The following DTNB variants were observed in gnomAD, a reference collection of about 807,000 sequenced individuals.
DTNB encodes DTN-B.
A neutral mutation model predicts 90.7 loss-of-function variants in DTNB; 63 were observed. The observed-to-expected ratio is 0.69, with a 90% confidence interval of 0.57 to 0.86. The LOEUF (loss-of-function observed/expected upper bound fraction) is 0.86, where lower values mean the gene tolerates loss of function less well. DTNB is among the 40% of genes least tolerant of loss of function. The pLI, the probability that DTNB is intolerant of heterozygous loss-of-function variation, is 0.00. For synonymous variants in DTNB, 277 were observed against 286.7 expected (o/e 0.97, Z 0.34); for missense variants, 744 against 807.1 (o/e 0.92, Z 0.95).
In DTNB at chr2:25,531,737, G is replaced by C. The variant is rs185291399; in HGVS notation, c.877-140C>G. ...AAGTTTCATTACATCAATATCATTG[G>C]GCCTTTCAGAAAGGAACCTCCAGTT... On this transcript the variant is annotated intron_variant, in intron 8 of 20. Transcript: ENST00000406818. 9.1e-5 allele frequency: 110 copies of C among 1,206,366 alleles called. No individual in the cohort carries two copies. The Admixed American group carries it at 3.2e-3, about 35-fold the overall frequency. 74.7% of individuals were successfully genotyped at this position (1,206,366 alleles called of 1,614,324 possible). A position where few individuals can be genotyped will look rare whatever the true frequency, so the allele number is the denominator to read the frequency against.
intron 9 of DTNB, among the ~76,000 whole-genome samples, chr2:25,483,986 T>C (rs1398360710): frequency 6.6e-6 from 1 of 152,226 alleles, no homozygotes; most frequent in African/African-American, 2.4e-5. Flanking sequence ...CAGTCCCATG[T>C]TGTACAGGTT....
chr2:25,400,427 C>T (rs1013659933), intron 16 of DTNB, among the ~76,000 whole-genome samples: 8 of 152,246 alleles, frequency 5.3e-5, no homozygotes, highest in African/African-American at 1.7e-4. Context: ...CCGCTCAACG[C>T]GAACCAGTCT....
intron 9 of DTNB, among the ~76,000 whole-genome samples, chr2:25,530,157 T>C (rs1026627097): frequency 5.9e-5 from 9 of 152,166 alleles, no homozygotes; most frequent in Non-Finnish European, 1.3e-4. Context: ...TAAAACTGGC[T>C]GGGCGCAGTG....
At chr2:25,485,986 G>A (rs1256722094) in intron 9 of DTNB, among the ~76,000 whole-genome samples, 1 of 151,996 alleles carries the variant, frequency 6.6e-6, no homozygotes, top group African/African-American at 2.4e-5. Flanking sequence ...GCTGGGTGTG[G>A]TGGCGGGTGC....
intron 8 of DTNB, chr2:25,558,168 T>C (rs1004516602): frequency 1.0e-6 from 1 of 964,224 alleles, no homozygotes; most frequent in Non-Finnish European, 1.2e-6. Context: ...TCGTAGTCAC[T>C]AAATGAAGAT....
At chr2:25,419,780 T>C (rs2048925539) in intron 15 of DTNB, among the ~76,000 whole-genome samples, 2 of 152,034 alleles carry the variant, frequency 1.3e-5, no homozygotes, top group Non-Finnish European at 2.9e-5. Context: ...GAAAGAACCT[T>C]AGAAACCACC....
chr2:25,650,429 T>C (rs1559386266), intron 2 of DTNB, among the ~76,000 whole-genome samples: 1 of 152,260 alleles, frequency 6.6e-6, no homozygotes, highest in East Asian at 1.9e-4. Flanking sequence ...AGAAGCAGTA[T>C]GACGGGTGGT....
At chr2:25,637,909 C>T (rs1475117101) in intron 3 of DTNB, among the ~76,000 whole-genome samples, 6 of 152,238 alleles carry the variant, frequency 3.9e-5, no homozygotes, top group Middle Eastern at 6.8e-3. Flanking sequence ...CACATGCACA[C>T]GTATGTTTAT....
chr2:25,468,044 T>C (rs1224914347), intron 10 of DTNB, among the ~76,000 whole-genome samples: 1 of 152,150 alleles, frequency 6.6e-6, no homozygotes, highest in Non-Finnish European at 1.5e-5. Flanking sequence ...GTCAGTTATA[T>C]ACCTGTGCAC....
At chr2:25,620,140 C>T (rs1327040044) in intron 4 of DTNB, among the ~76,000 whole-genome samples, 3 of 152,016 alleles carry the variant, frequency 2.0e-5, no homozygotes, top group African/African-American at 7.2e-5. Flanking sequence ...GATGTGGGAG[C>T]TGAGGGGGAA....
intron 11 of DTNB, among the ~76,000 whole-genome samples, chr2:25,454,552 T>C (rs560842035): frequency 2.6e-5 from 4 of 152,226 alleles, no homozygotes; most frequent in African/African-American, 9.6e-5. Flanking sequence ...TGGCTTTAGA[T>C]TGCTTAAACT....
chr2:25,566,841 T>C lies in DTNB; in HGVS notation c.876+9997A>G, dbSNP rs146709280. On this transcript the variant is annotated intron_variant, in intron 8 of 20. Transcript: ENST00000406818. ...AGAAGCAGTTGAAAGTGAAGGCAGC[T>C]TGCTGGCCAAGGACCAGCGGTGCTA... Among the ~76,000 whole-genome samples, 259 of 152,308 alleles carry C rather than the reference T, an allele frequency of 1.7e-3. 1 individual carries two copies. Among genetic ancestry groups the C allele is most frequent in the African/African-American group, 4.1e-3 (169 of 41,560 alleles).
intron 1 of DTNB, among the ~76,000 whole-genome samples, chr2:25,669,200 C>T (rs1223770747): frequency 6.6e-6 from 1 of 152,074 alleles, no homozygotes; most frequent in Non-Finnish European, 1.5e-5. Flanking sequence ...GTGGTGATGG[C>T]TGTGCAACAA....
chr2:25,588,511 G>A (rs888962874), intron 6 of DTNB, among the ~76,000 whole-genome samples: 2 of 152,142 alleles, frequency 1.3e-5, no homozygotes, highest in Admixed American at 6.5e-5. Context: ...GACTACAGGC[G>A]CACGCACCAC....
rs1160394417 is a variant in DTNB at position 25,410,854 on chromosome 2, T to C, written c.1575+8661A>G. Among the ~76,000 whole-genome samples, 5 of 152,202 alleles carry C rather than the reference T, an allele frequency of 3.3e-5. No individual in the cohort carries two copies. In the South Asian group the frequency reaches 1.0e-3, roughly 32 times the overall value. On this transcript the variant is annotated intron_variant, in intron 16 of 20. Coordinates refer to ENST00000406818, the MANE Select transcript of DTNB (RefSeq NM_021907.5). Reference sequence around the variant, plus strand: ...ACGTATCTGGCCTGTGACACAACCCTCAGGAGATCCTGAGAACACATGCCC... The same window carrying C: ...ACGTATCTGGCCTGTGACACAACCCCCAGGAGATCCTGAGAACACATGCCC...
intron 9 of DTNB, among the ~76,000 whole-genome samples, chr2:25,494,466 G>C (rs1391578737): frequency 1.3e-5 from 2 of 150,936 alleles, no homozygotes; most frequent in Admixed American, 1.3e-4. Context: ...AAGTGGTAAG[G>C]GGGGTGGGGG....
At chr2:25,622,568 C>G (rs1038579428) in intron 4 of DTNB, among the ~76,000 whole-genome samples, 1 of 152,086 alleles carries the variant, frequency 6.6e-6, no homozygotes, top group Non-Finnish European at 1.5e-5. Flanking sequence ...GTAAGGCACC[C>G]CATACTCCTA....
At chr2:25,562,792 A>G (rs757209487) in intron 8 of DTNB, among the ~76,000 whole-genome samples, 1 of 151,336 alleles carries the variant, frequency 6.6e-6, no homozygotes, top group Non-Finnish European at 1.5e-5. Flanking sequence ...CTTTTTTTTG[A>G]GATGGAGTCT....
chr2:25,662,594 G>C (rs969892161), intron 1 of DTNB, among the ~76,000 whole-genome samples: 1 of 151,182 alleles, frequency 6.6e-6, no homozygotes, highest in Non-Finnish European at 1.5e-5. Flanking sequence ...TGGGGACCTA[G>C]GTGCCTCCTC....
Sources: allele counts gnomAD v4.1 joint callset (sites outside exome capture counted in the v4.1 genomes callset), GRCh38; gene constraint gnomAD v4.1.1; transcripts MANE v1.5; gene names NCBI Gene and HGNC (gene_info 2026-07-23, HGNC 2026-07-21).